The following BMPR1B variants were observed in gnomAD, a reference collection of about 807,000 sequenced individuals.
BMPR1B encodes bone morphogenetic protein receptor type-1B.
In BMPR1B, 12 loss-of-function variants were observed where a neutral mutation model predicts 59.1. The ratio of observed to expected loss-of-function variants is 0.20; its 90% CI spans 0.13 to 0.33. The LOEUF is 0.33. Ranked by LOEUF, BMPR1B falls within the 10% of genes least tolerant of loss-of-function variation. The pLI is 1.00. For synonymous variants in BMPR1B, 237 were observed against 207.3 expected (o/e 1.14, Z -1.23); for missense variants, 550 against 610.9 (o/e 0.90, Z 1.05).
chr4:94,760,112 T>G (rs931756853), intron 1 of BMPR1B, among the ~76,000 whole-genome samples: 1 of 152,186 alleles, frequency 6.6e-6, no homozygotes, highest in African/African-American at 2.4e-5. Context: ...TGGCACTGAT[T>G]TGTGTTTTTA....
At chr4:94,861,608 C>T (rs1725979973) in intron 1 of BMPR1B, among the ~76,000 whole-genome samples, 1 of 152,078 alleles carries the variant, frequency 6.6e-6, no homozygotes. Context: ...GGTCCCTGAA[C>T]ACACAAAACA....
chr4:94,895,060 C>T lies in BMPR1B; in HGVS notation c.-113+19160C>T, dbSNP rs115697399. ...TAATATTAATGTCTCTTAAGTTCTTCAATGCATCTTCACGTTGGAGAGACT... is the reference window on the plus strand; with the variant it reads ...TAATATTAATGTCTCTTAAGTTCTTTAATGCATCTTCACGTTGGAGAGACT... On this transcript the variant is annotated intron_variant, in intron 2 of 12. Coordinates refer to ENST00000515059, the MANE Select transcript of BMPR1B (RefSeq NM_001203.3). Among the ~76,000 whole-genome samples, 1,035 of 152,098 alleles carry T rather than the reference C, an allele frequency of 6.8e-3. 12 individuals carry two copies. The highest frequency in any genetic ancestry group is 0.023 in the African/African-American group (968 of 41,564).
chr4:95,123,306 A>G (rs995599845), intron 6 of BMPR1B, among the ~76,000 whole-genome samples: 1 of 152,196 alleles, frequency 6.6e-6, no homozygotes, highest in African/African-American at 2.4e-5. Flanking sequence ...CTATTTGGCA[A>G]CATTTGAGGG....
intron 3 of BMPR1B, among the ~76,000 whole-genome samples, chr4:94,996,861 A>G (rs1180796205): frequency 1.3e-5 from 2 of 152,214 alleles, no homozygotes; most frequent in Non-Finnish European, 2.9e-5. Flanking sequence ...CTGTCATCAC[A>G]GGTAGCACTT....
At position 94,760,506 on chromosome 4, in the gene BMPR1B, CCTCCTCCAGCT is replaced by C. The variant is rs1721718305; in HGVS notation, c.-183+2441_-183+2451del. ...TGCTTATCTTTTGCCACATATAGCA[CCTCCTCCAGCT>C]CTTTCTGAGCACTCAAATCGTATTT... is the stretch of plus-strand genomic sequence containing the variant. On this transcript the variant is annotated intron_variant, in intron 1 of 12. Coordinates refer to ENST00000515059, the MANE Select transcript of BMPR1B (RefSeq NM_001203.3). Among the ~76,000 whole-genome samples the C allele has an allele frequency of 5.3e-5, 8 of 152,284 alleles. No individual in the cohort carries two copies. In the South Asian group the frequency reaches 1.7e-3, roughly 32 times the overall value.
chr4:94,810,554 T>C (rs1723773255), intron 1 of BMPR1B, among the ~76,000 whole-genome samples: 1 of 152,222 alleles, frequency 6.6e-6, no homozygotes, highest in Non-Finnish European at 1.5e-5. Context: ...GATGTGAGCT[T>C]ACATGAAACA....
chr4:94,858,698 A>G (rs1322361640), intron 1 of BMPR1B, among the ~76,000 whole-genome samples: 3 of 152,180 alleles, frequency 2.0e-5, no homozygotes, highest in Non-Finnish European at 4.4e-5. Flanking sequence ...TATTTGTATT[A>G]ACTCCAATCA....
chr4:95,015,756 G>A (rs193251356), intron 3 of BMPR1B, among the ~76,000 whole-genome samples: 182 of 151,356 alleles, frequency 1.2e-3, no homozygotes, highest in Admixed American at 5.1e-3. Flanking sequence ...GCAGTGGCAC[G>A]GTCTCGGCTC....
intron 1 of BMPR1B, among the ~76,000 whole-genome samples, chr4:94,762,454 G>A (rs1213634926): frequency 3.3e-5 from 5 of 152,150 alleles, no homozygotes; most frequent in Non-Finnish European, 7.4e-5. Context: ...AGCCAACCCC[G>A]TGAAGATCTG....
chr4:95,131,294 C>T lies in BMPR1B; in HGVS notation c.858C>T (p.Ser286=). ...YLITDYHENG[S]LYDYLKSTTL... is the part of the protein sequence containing the mutation. ...TCACAGACTATCATGAAAATGGTTC[C>T]CTTTATGATTATCTGAAGTCCACCA... Residue 286 remains serine, a synonymous_variant, in exon 10 of 13, where the codon TCC becomes TCT. Coordinates refer to ENST00000515059, the MANE Select transcript of BMPR1B (RefSeq NM_001203.3). The T allele has an allele frequency of 6.2e-7, 1 of 1,613,788 alleles. No homozygotes were observed.
intron 1 of BMPR1B, among the ~76,000 whole-genome samples, chr4:94,766,595 G>A (rs1414536615): frequency 6.6e-6 from 1 of 151,556 alleles, no homozygotes; most frequent in African/African-American, 2.4e-5. Context: ...TTTTTTAATT[G>A]TAAAGAATGT....
chr4:95,031,381 A>T (rs1724842811), intron 3 of BMPR1B, among the ~76,000 whole-genome samples: 2 of 152,280 alleles, frequency 1.3e-5, no homozygotes, highest in South Asian at 4.1e-4. Context: ...GAACTTGAGA[A>T]TTAGGCAGCA....
At chr4:95,069,121 C>T (rs551372992) in intron 3 of BMPR1B, among the ~76,000 whole-genome samples, 3 of 152,252 alleles carry the variant, frequency 2.0e-5, no homozygotes, top group Admixed American at 6.5e-5. Context: ...AAGAATCTAT[C>T]GACACCATTA....
intron 2 of BMPR1B, among the ~76,000 whole-genome samples, chr4:94,939,918 T>C (rs991914046): frequency 1.3e-5 from 2 of 152,232 alleles, no homozygotes; most frequent in African/African-American, 4.8e-5. Context: ...CCAGTTATTT[T>C]AGTTAGTCAC....
chr4:95,022,066 C>T (rs1221736683), intron 3 of BMPR1B, among the ~76,000 whole-genome samples: 2 of 152,164 alleles, frequency 1.3e-5, no homozygotes, highest in Non-Finnish European at 2.9e-5. Flanking sequence ...CAGTGGCTAG[C>T]AGAGCTGCAG....
chr4:95,002,157 C>T (rs1722494363), intron 3 of BMPR1B, among the ~76,000 whole-genome samples: 1 of 152,066 alleles, frequency 6.6e-6, no homozygotes, highest in African/African-American at 2.4e-5. Context: ...CTGGTAGTCT[C>T]CAGTTTCTGT....
intron 2 of BMPR1B, among the ~76,000 whole-genome samples, chr4:94,896,852 A>G (rs1451331006): frequency 6.6e-6 from 1 of 152,086 alleles, no homozygotes; most frequent in Non-Finnish European, 1.5e-5. Context: ...GTTAATATAA[A>G]CTATATCCTG....
chr4:95,015,654 C>T (rs1723532613), intron 3 of BMPR1B, among the ~76,000 whole-genome samples: 1 of 151,876 alleles, frequency 6.6e-6, no homozygotes, highest in Admixed American at 6.6e-5. Context: ...TCCAAAAGTG[C>T]TGGAATTACA....
At chr4:95,067,760 A>G (rs989293908) in intron 3 of BMPR1B, among the ~76,000 whole-genome samples, 2 of 152,202 alleles carry the variant, frequency 1.3e-5, no homozygotes, top group Non-Finnish European at 2.9e-5. Flanking sequence ...CCTTTGGTTT[A>G]TCAAACCTTT....
Sources: gnomAD v4.1 joint callset for allele counts (sites outside exome capture counted in the v4.1 genomes callset) on GRCh38, gnomAD v4.1.1 for gene constraint, MANE v1.5 for transcripts, NCBI Gene and HGNC (gene_info 2026-07-23, HGNC 2026-07-21) for gene names.